The following PCDH15 variants were observed in gnomAD, a reference collection of about 807,000 sequenced individuals.
PCDH15 encodes protocadherin-15.
A neutral mutation model predicts 178.5 loss-of-function variants in PCDH15; 129 were observed. The observed-to-expected ratio is 0.72, with a 90% confidence interval of 0.63 to 0.84. PCDH15 has a LOEUF of 0.84. PCDH15 is among the 40% of genes least tolerant of loss of function. The pLI is 0.00. For synonymous variants in PCDH15, 800 were observed against 732.0 expected, an observed-to-expected ratio of 1.09 and a Z score of -1.50; for missense variants, 2,230 against 2,099.9, an observed-to-expected ratio of 1.06 and a Z score of -1.21.
At chr10:54,879,797 T>C (rs1194953375) in intron 3 of PCDH15, among the ~76,000 whole-genome samples, 1 of 151,902 alleles carries the variant, frequency 6.6e-6, no homozygotes, top group Non-Finnish European at 1.5e-5. Flanking sequence ...CATTAACAAA[T>C]ATTAACATAT....
At position 55,528,629 on chromosome 10, in the gene PCDH15, T is replaced by A. The variant is rs376654217; in HGVS notation, c.-156+98996A>T. On this transcript the variant is annotated intron_variant, in intron 2 of 5. Coordinates refer to the PCDH15 transcript ENST00000613346. ...ATTTTCTTAATCCAGTCTTTCATTG[T>A]TGGACATTTGGGTTGGTTCCAAGCC... Among the ~76,000 whole-genome samples the A allele has an allele frequency of 1.2e-4, 19 of 152,246 alleles. No individual in the cohort carries two copies. In the East Asian group the frequency reaches 3.1e-3, roughly 25 times the overall value.
chr10:55,056,150 A>G (rs917604048), intron 2 of PCDH15, among the ~76,000 whole-genome samples: 1 of 152,142 alleles, frequency 6.6e-6, no homozygotes, highest in Non-Finnish European at 1.5e-5. Context: ...AAATCTCATG[A>G]TGTGATTCCC....
intron 23 of PCDH15, among the ~76,000 whole-genome samples, chr10:53,951,951 T>C (rs563137252): frequency 6.6e-6 from 1 of 152,170 alleles, no homozygotes; most frequent in South Asian, 2.1e-4. Flanking sequence ...GCCAGCTCCA[T>C]ACAAGCCAGT....
chr10:55,114,328 C>T (rs572308335), intron 2 of PCDH15, among the ~76,000 whole-genome samples: 64 of 152,296 alleles, frequency 4.2e-4, no homozygotes, highest in Non-Finnish European at 8.1e-4. Context: ...GTTCTTTTCA[C>T]AGTATCTTGC....
intron 1 of PCDH15, among the ~76,000 whole-genome samples, chr10:54,664,674 A>T (rs539361821): frequency 1.2e-4 from 18 of 152,142 alleles, no homozygotes; most frequent in African/African-American, 4.3e-4. Context: ...TAAGATAGTA[A>T]GCCAGTTGTT....
chr10:54,380,347 T>C (rs897733245), intron 3 of PCDH15, among the ~76,000 whole-genome samples: 9 of 151,806 alleles, frequency 5.9e-5, no homozygotes, highest in Non-Finnish European at 1.0e-4. Context: ...CTACATACAA[T>C]ACACTCCAAA....
intron 17 of PCDH15, among the ~76,000 whole-genome samples, chr10:54,074,857 A>ATGT (rs1370844614): frequency 1.3e-5 from 2 of 151,944 alleles, no homozygotes; most frequent in East Asian, 3.9e-4. Flanking sequence ...TCAACATGTT[A>ATGT]TGTTGTTGTT....
intron 10 of PCDH15, among the ~76,000 whole-genome samples, chr10:54,205,686 C>T (rs1591161608): frequency 6.6e-6 from 1 of 151,940 alleles, no homozygotes; most frequent in African/African-American, 2.4e-5. Context: ...TGATTCTTGA[C>T]CCTACTTATA....
intron 3 of PCDH15, among the ~76,000 whole-genome samples, chr10:54,863,845 G>C (rs1370609562): frequency 6.6e-6 from 1 of 152,158 alleles, no homozygotes; most frequent in African/African-American, 2.4e-5. Context: ...CTGGATTGCA[G>C]GATGTAACTA....
chr10:54,458,547 A>G (rs1175446524), intron 3 of PCDH15, among the ~76,000 whole-genome samples: 2 of 151,940 alleles, frequency 1.3e-5, no homozygotes, highest in Non-Finnish European at 2.9e-5. Flanking sequence ...CTCAAGTGTC[A>G]TCTCTTTTAT....
intron 1 of PCDH15, among the ~76,000 whole-genome samples, chr10:55,233,152 T>C (rs1248920001): frequency 6.6e-6 from 1 of 152,108 alleles, no homozygotes; most frequent in African/African-American, 2.4e-5. Flanking sequence ...ACTACTTCTA[T>C]ATTAACTAAA....
At chr10:55,540,110 T>A (rs1177278382) in intron 2 of PCDH15, among the ~76,000 whole-genome samples, 1 of 152,110 alleles carries the variant, frequency 6.6e-6, no homozygotes, top group African/African-American at 2.4e-5. Context: ...CTATCACCAA[T>A]TGATACAACT....
chr10:55,435,773 T>C (rs911360919), intron 2 of PCDH15, among the ~76,000 whole-genome samples: 4 of 152,138 alleles, frequency 2.6e-5, no homozygotes, highest in Non-Finnish European at 4.4e-5. Flanking sequence ...TAAAAAGCCA[T>C]AGATAGTACA....
intron 3 of PCDH15, among the ~76,000 whole-genome samples, chr10:54,459,018 T>C (rs2077006926): frequency 6.6e-6 from 1 of 152,140 alleles, no homozygotes; most frequent in Admixed American, 6.6e-5. Flanking sequence ...TCCCCATGTC[T>C]GCGTGGGTTT....
intron 3 of PCDH15, among the ~76,000 whole-genome samples, chr10:54,404,111 G>C (rs1047899911): frequency 1.3e-5 from 2 of 151,378 alleles, no homozygotes; most frequent in African/African-American, 4.8e-5. Context: ...ACTAGAAAAG[G>C]CTATTTTAAT....
At chr10:54,328,213 ATG>A (rs1938611935) in intron 7 of PCDH15, among the ~76,000 whole-genome samples, 1 of 151,848 alleles carries the variant, frequency 6.6e-6, no homozygotes, top group Non-Finnish European at 1.5e-5. Flanking sequence ...CTTTACCAGA[ATG>A]TTATATATTG....
chr10:55,254,252 T>A (rs1437799783), intron 1 of PCDH15, among the ~76,000 whole-genome samples: 1 of 152,170 alleles, frequency 6.6e-6, no homozygotes, highest in African/African-American at 2.4e-5. Flanking sequence ...ACATGGTACA[T>A]AATAAGGTAG....
intron 2 of PCDH15, among the ~76,000 whole-genome samples, chr10:55,576,669 A>T (rs1160092353): frequency 3.9e-5 from 6 of 152,150 alleles, no homozygotes; most frequent in Non-Finnish European, 4.4e-5. Context: ...GATGTGCTTG[A>T]TGATTAAATG....
chr10:54,941,820 C>T (rs1349910646), intron 2 of PCDH15, among the ~76,000 whole-genome samples: 2 of 151,998 alleles, frequency 1.3e-5, no homozygotes, highest in East Asian at 1.9e-4. Flanking sequence ...ATTTCCCCCC[C>T]GTATTGTACA....
Sources: gnomAD v4.1 joint callset for allele counts (sites outside exome capture counted in the v4.1 genomes callset) on GRCh38, gnomAD v4.1.1 for gene constraint, MANE v1.5 for transcripts, NCBI Gene and HGNC (gene_info 2026-07-23, HGNC 2026-07-21) for gene names.